PRRC2B: variants seen among roughly 807,000 people sequenced by gnomAD.
PRRC2B encodes protein PRRC2B.
A neutral mutation model predicts 242.3 loss-of-function variants in PRRC2B; 68 were observed. The observed-to-expected ratio is 0.28, with a 90% CI of 0.23 to 0.34. The LOEUF (loss-of-function observed/expected upper bound fraction) is 0.34. PRRC2B is among the 10% of genes least tolerant of loss of function. PRRC2B has a pLI of 1.00. For missense variants in PRRC2B, 2,835 were observed against 2,954.8 expected, an observed-to-expected ratio of 0.96 and a Z score of 0.94; for synonymous variants, 1,228 against 1,173.6, an observed-to-expected ratio of 1.05 and a Z score of -0.95.
chr9:131,438,343 CA>C (rs763152073), intron 4 of PRRC2B, among the ~76,000 whole-genome samples: 73 of 152,190 alleles, frequency 4.8e-4, no homozygotes, highest in Non-Finnish European at 8.1e-4. Context: ...CTCTGAGCCT[CA>C]GTGGGGGATG....
At chr9:131,430,441 C>T (rs1838102816) in intron 2 of PRRC2B, among the ~76,000 whole-genome samples, 182 bp downstream of exon 2, 1 of 149,228 alleles carries the variant, frequency 6.7e-6, no homozygotes, top group Non-Finnish European at 1.5e-5. Context: ...AGCATCCTGA[C>T]TCTTTCTGTA....
At chr9:131,457,980 C>G (rs1411261886) in intron 10 of PRRC2B, among the ~76,000 whole-genome samples, 4 of 152,192 alleles carry the variant, frequency 2.6e-5, no homozygotes, top group Non-Finnish European at 5.9e-5. Flanking sequence ...CCGCTTTTCT[C>G]TGATCTGCAG....
intron 23 of PRRC2B, among the ~76,000 whole-genome samples, chr9:131,484,107 G>C (rs1269153843): frequency 6.6e-6 from 1 of 152,206 alleles, no homozygotes; most frequent in Non-Finnish European, 1.5e-5. Flanking sequence ...TTCTTTACTC[G>C]AGAGTCTGCG....
upstream of PRRC2B, chr9:131,393,957 G>T (rs992492756): frequency 6.7e-6 from 1 of 150,294 alleles, no homozygotes; most frequent in African/African-American, 2.4e-5. Context: ...CAAGGCCGCC[G>T]CTCCCGGGAG....
intron 6 of PRRC2B, among the ~76,000 whole-genome samples, chr9:131,444,822 C>T (rs967144523): frequency 3.9e-5 from 6 of 152,138 alleles, no homozygotes; most frequent in Non-Finnish European, 8.8e-5. Flanking sequence ...CTCTACTGGC[C>T]CCTCATCTTA....
rs1024767680 is a variant in PRRC2B at position 131,491,500 on chromosome 9, G to A, written c.6301G>A (p.Gly2101Arg). The A allele has an allele frequency of 6.2e-7, 1 of 1,612,268 alleles. No individual in the cohort carries two copies. The highest frequency in any genetic ancestry group is 1.7e-5 in the Admixed American group (1 of 59,936). The change falls in exon 29 of 32, where the codon GGG becomes AGG. Residue 2101 changes from glycine (G) to arginine (R), a missense_variant. Gly to Arg is a moderately radical substitution (Grantham distance 125). Transcript: ENST00000683519. ...ILPQSIQLPP[G>R]QSLSVGAPRR... is the part of the protein sequence containing the mutation. ...GCCCCAGTCTATTCAGCTGCCACCT[G>A]GGCAGAGCCTCTCCGTTGGGGCCCC...
Position 131,482,493 on chromosome 9 carries a change from C to T in PRRC2B, c.5106C>T (p.Ser1702=), listed in dbSNP as rs750492417. The T allele has an allele frequency of 9.3e-6, 15 of 1,611,492 alleles. No homozygotes were observed. The Admixed American group carries it at 1.0e-4, about 11-fold the overall frequency. Residue 1702 remains serine (S), a synonymous_variant, in exon 21 of 32, where the codon AGC becomes AGT. Transcript: ENST00000683519. This position sits in a 1 kb window ranked among gnomAD's most constrained non-coding sequence, Gnocchi z 5.2. ...PYGTLKPEEM[S]GPGLAEPKAD... Reference sequence around the variant, plus strand: ...GGACTCTGAAGCCAGAGGAGATGAGCGGGCCCGGCCTGGCGGAACCCAAGG... The same window carrying T: ...GGACTCTGAAGCCAGAGGAGATGAGTGGGCCCGGCCTGGCGGAACCCAAGG...
chr9:131,398,831 A>G (rs542173339), intron 1 of PRRC2B, among the ~76,000 whole-genome samples: 80 of 152,250 alleles, frequency 5.3e-4, no homozygotes, highest in African/African-American at 1.8e-3. Context: ...AGAAAAAATT[A>G]GTAGGGTATA....
At chr9:131,406,738 A>G (rs1228902103) in intron 1 of PRRC2B, among the ~76,000 whole-genome samples, 1 of 152,060 alleles carries the variant, frequency 6.6e-6, no homozygotes, top group African/African-American at 2.4e-5. Context: ...TGGTGTTGAT[A>G]CTATGTTGCT....
intron 8 of PRRC2B, 40 bp from the exon 9 acceptor site, chr9:131,447,622 T>C (rs1164569172): frequency 6.5e-7 from 1 of 1,529,948 alleles, no homozygotes; most frequent in Non-Finnish European, 8.8e-7. Context: ...TGCTTCCGTC[T>C]GTATACTGGA....
chr9:131,400,252 A>C (rs2131282300), intron 1 of PRRC2B, among the ~76,000 whole-genome samples: 1 of 151,784 alleles, frequency 6.6e-6, no homozygotes, highest in South Asian at 2.1e-4. Context: ...TGCCTGACTA[A>C]GTTTTGTATT....
chr9:131,415,150 C>T (rs559099557), intron 1 of PRRC2B, among the ~76,000 whole-genome samples: 4 of 151,932 alleles, frequency 2.6e-5, no homozygotes, highest in Non-Finnish European at 5.9e-5. Flanking sequence ...TGCGCCATCA[C>T]GCCCAGCTAA....
At position 131,498,854 on chromosome 9, in the gene PRRC2B, G is replaced by C. The variant is rs1944397584; in HGVS notation, c.*2980G>C. On this transcript the variant is annotated 3_prime_UTR_variant, in exon 32 of 32. Coordinates refer to ENST00000683519, the MANE Select transcript of PRRC2B (RefSeq NM_013318.4). Reference sequence around the variant, plus strand: ...TTGCGGTATTGTCCACCATCCACTAGAGTGGGATGAAGTCCAGAGTGTGGG... The same window carrying C: ...TTGCGGTATTGTCCACCATCCACTACAGTGGGATGAAGTCCAGAGTGTGGG... The C allele has an allele frequency of 6.6e-6, 1 of 152,222 alleles. No homozygotes were observed. The highest frequency in any genetic ancestry group is 1.5e-5 in the Non-Finnish European group (1 of 68,046). 9.4% of individuals were successfully genotyped at this position (152,222 alleles called of 1,614,324 possible). A position where few individuals can be genotyped will look rare whatever the true frequency, so the allele number is the denominator to read the frequency against.
rs113065983 is a variant in PRRC2B, at chr9:131,409,010, C to T, written c.-52+14747C>T. On this transcript the variant is annotated intron_variant, in intron 1 of 31. Transcript: ENST00000683519. The stretch of plus-strand genomic sequence containing the variant: ...CTGGGATTACAGGCATGAGTCACTG[C>T]GCTCAGCCACTTTTTTTTTTTTTTT... 8.4e-3 allele frequency among the ~76,000 whole-genome samples: 1,219 copies of T among 145,944 alleles called. 11 individuals carry two copies. Among genetic ancestry groups the T allele is most frequent in the African/African-American group, 0.028 (1,084 of 39,146 alleles).
chr9:131,412,622 G>T (rs1188644815), intron 1 of PRRC2B, among the ~76,000 whole-genome samples: 1 of 152,188 alleles, frequency 6.6e-6, no homozygotes, highest in Non-Finnish European at 1.5e-5. Context: ...CTCTGCTGAC[G>T]CTGTAAAGAT....
In PRRC2B at chr9:131,447,899, C is replaced by T. The variant is rs550763430; in HGVS notation, c.1120+95C>T. On this transcript the variant is annotated intron_variant, in intron 9 of 31. Transcript: ENST00000683519. ...ACCCCCTGGCACCACCGTGTGTTTTCCCTTGGCAAGATAGGGATGAAGAGC... is the reference window on the plus strand; with the variant it reads ...ACCCCCTGGCACCACCGTGTGTTTTTCCTTGGCAAGATAGGGATGAAGAGC... 885 of 1,374,156 alleles carry T rather than the reference C, an allele frequency of 6.4e-4. 18 individuals carry two copies. The South Asian group carries it at 0.013, about 20-fold the overall frequency. The allele number at this position is 1,374,156 out of a possible 1,614,324, so 85.1% of individuals were successfully genotyped here.
At chr9:131,396,696 C>A (rs1293272646) in intron 1 of PRRC2B, among the ~76,000 whole-genome samples, 1 of 152,030 alleles carries the variant, frequency 6.6e-6, no homozygotes, top group South Asian at 2.1e-4. Context: ...ACCCCAAATT[C>A]TATGGCCGGC....
In PRRC2B at chr9:131,470,917, A is replaced by G. The variant is rs755917365; in HGVS notation, c.2041A>G (p.Met681Val). 8 of 1,611,884 alleles carry G rather than the reference A, an allele frequency of 5.0e-6. No homozygotes were observed. The highest frequency in any genetic ancestry group is 2.2e-5 in the South Asian group (2 of 90,998). The part of the protein sequence containing the change: ...DPRWMMMPSY[M>V]DPRITPTRTP... ...CAGGTGGATGATGATGCCTTCCTACATGGACCCACGTATCACGCCCACTCG... is the reference window on the plus strand; with the variant it reads ...CAGGTGGATGATGATGCCTTCCTACGTGGACCCACGTATCACGCCCACTCG... The change falls in exon 14 of 32, where the codon ATG (methionine) becomes GTG (valine). Residue 681 changes from methionine (M) to valine (V), a missense_variant. This residue lies in a region of PRRC2B where 1,536 missense variants were observed against 1,483.1 expected (regional missense o/e 1.04). Transcript: ENST00000683519.
chr9:131,428,945 T>G (rs1195319798), intron 1 of PRRC2B, among the ~76,000 whole-genome samples: 1 of 152,172 alleles, frequency 6.6e-6, no homozygotes, highest in South Asian at 2.1e-4. Context: ...GGTCGGCACT[T>G]AGTATTTGTT....
Sources: gnomAD v4.1 joint callset for allele counts (sites outside exome capture counted in the v4.1 genomes callset) on GRCh38, gnomAD v4.1.1 for gene constraint, gnomAD v4.1.1 regional missense constraint, Gnocchi (gnomAD v3.1) non-coding constraint, MANE v1.5 for transcripts, NCBI Gene and HGNC (gene_info 2026-07-23, HGNC 2026-07-21) for gene names.